PALS2: variants seen among roughly 807,000 people sequenced by gnomAD.
The protein encoded by PALS2 is protein PALS2.
A neutral mutation model predicts 61.6 loss-of-function variants in PALS2; 27 were observed. The observed-to-expected ratio is 0.44, with a 90% CI of 0.32 to 0.60. The LOEUF (loss-of-function observed/expected upper bound fraction) is 0.60. Among genes scored for constraint, PALS2 ranks in the 20% least tolerant of loss-of-function variants. The pLI is 0.05. For missense variants in PALS2, 554 were observed against 639.4 expected, an observed-to-expected ratio of 0.87 and a Z score of 1.44; for synonymous variants, 236 against 218.6, an observed-to-expected ratio of 1.08 and a Z score of -0.70.
intron 1 of PALS2, among the ~76,000 whole-genome samples, chr7:24,603,052 C>T (rs1412210970): frequency 1.3e-5 from 2 of 152,186 alleles, no homozygotes; most frequent in African/African-American, 4.8e-5. Flanking sequence ...ATTACCCAGT[C>T]TTGGGTCATA....
chr7:24,654,488 C>T (rs986810565), intron 5 of PALS2, among the ~76,000 whole-genome samples: 20 of 152,072 alleles, frequency 1.3e-4, no homozygotes, highest in African/African-American at 4.6e-4. Context: ...CAGCAAACGT[C>T]TAGAAATGTA....
At chr7:24,662,762 C>A in intron 5 of PALS2, among the ~76,000 whole-genome samples, 1 of 113,188 alleles carries the variant, frequency 8.8e-6, no homozygotes. Flanking sequence ...GAGTGAGACT[C>A]CATCTGAAAA....
At chr7:24,640,299 T>A (rs1212101291) in intron 2 of PALS2, among the ~76,000 whole-genome samples, 3 of 152,156 alleles carry the variant, frequency 2.0e-5, no homozygotes, top group Admixed American at 2.0e-4. Flanking sequence ...TCTTTTCCAC[T>A]TAAGAACTTA....
chr7:24,652,106 C>G (rs1397568073), intron 5 of PALS2, among the ~76,000 whole-genome samples: 4 of 152,178 alleles, frequency 2.6e-5, no homozygotes, highest in Non-Finnish European at 5.9e-5. Flanking sequence ...TGGCAACTTT[C>G]AATTTGTGAC....
At chr7:24,614,572 C>A (rs1279056988) in intron 1 of PALS2, among the ~76,000 whole-genome samples, 1 of 151,796 alleles carries the variant, frequency 6.6e-6, no homozygotes, top group South Asian at 2.1e-4. Flanking sequence ...GCACACAACC[C>A]TGGAGCACCA....
intron 2 of PALS2, among the ~76,000 whole-genome samples, chr7:24,639,378 G>A (rs1052954201): frequency 1.3e-5 from 2 of 149,706 alleles, no homozygotes; most frequent in African/African-American, 5.0e-5. Flanking sequence ...TCCATAGTGT[G>A]AGTATAATAT....
rs74632427 is a variant in PALS2, at chr7:24,680,658, C to T, written c.1446+138C>T. On this transcript the variant is annotated intron_variant, in intron 11 of 11. Transcript: ENST00000222644. ...TCACCCAGGCTGGAGTGCATTGATG[C>T]GATCTCAGCTCGTTGCAACCTCCCC... The T allele has an allele frequency of 1.3e-3, 1,497 of 1,140,650 alleles. 35 individuals are homozygous for T. In the East Asian group the frequency reaches 0.04, roughly 30 times the overall value. 70.7% of individuals were successfully genotyped at this position (1,140,650 alleles called of 1,614,324 possible).
intron 1 of PALS2, among the ~76,000 whole-genome samples, chr7:24,614,819 A>G (rs76912026): frequency 0.039 from 5,925 of 152,074 alleles, 155 homozygotes; most frequent in Non-Finnish European, 0.058. Flanking sequence ...TTTCTAGGAA[A>G]AATAAAGGCA....
intron 3 of PALS2, among the ~76,000 whole-genome samples, chr7:24,644,703 C>T (rs1785740674): frequency 6.6e-6 from 1 of 151,812 alleles, no homozygotes; most frequent in Non-Finnish European, 1.5e-5. Flanking sequence ...CTGCTTTTAG[C>T]TCTTTGATGA....
chr7:24,676,972 G>A (rs1477965185), intron 9 of PALS2, among the ~76,000 whole-genome samples: 1 of 151,066 alleles, frequency 6.6e-6, no homozygotes, highest in Non-Finnish European at 1.5e-5. Context: ...TGGGCAGTAT[G>A]GCCATTTTCA....
At chr7:24,656,357 C>G (rs996396640) in intron 5 of PALS2, among the ~76,000 whole-genome samples, 29 of 152,154 alleles carry the variant, frequency 1.9e-4, no homozygotes, top group African/African-American at 6.5e-4. Context: ...AATATTTCCT[C>G]AATACTTTTA....
chr7:24,688,852 C>A lies in PALS2; in HGVS notation c.*1238C>A, dbSNP rs1016017144. The A allele has an allele frequency of 1.3e-5, 2 of 151,726 alleles. No individual in the cohort carries two copies. Among genetic ancestry groups the A allele is most frequent in the Non-Finnish European group, 2.9e-5 (2 of 67,940 alleles). 9.4% of individuals were successfully genotyped at this position (151,726 alleles called of 1,614,324 possible). On this transcript the variant is annotated 3_prime_UTR_variant, in exon 12 of 12. Transcript: ENST00000222644. ...GTTTTGAGATGGAGTCTCTCTCTGT[C>A]ACCCATGCTGGAGTACAGTGGCGCG...
At chr7:24,582,702 T>C (rs1782890979) in intron 1 of PALS2, among the ~76,000 whole-genome samples, 1 of 151,964 alleles carries the variant, frequency 6.6e-6, no homozygotes, top group Non-Finnish European at 1.5e-5. Context: ...TAAAAAATTA[T>C]TTGCTTTTTT....
At chr7:24,626,979 A>G (rs1416490783) in intron 2 of PALS2, among the ~76,000 whole-genome samples, 2 of 152,184 alleles carry the variant, frequency 1.3e-5, no homozygotes, top group Admixed American at 6.5e-5. Context: ...AAAATTAACA[A>G]GGATATTCAG....
intron 9 of PALS2, among the ~76,000 whole-genome samples, chr7:24,676,732 T>G (rs1259897598): frequency 1.3e-5 from 2 of 151,154 alleles, no homozygotes; most frequent in African/African-American, 4.9e-5. Flanking sequence ...TCCATTGATC[T>G]GTATCTCTGT....
chr7:24,603,575 A>C (rs1783790846), intron 1 of PALS2, among the ~76,000 whole-genome samples: 1 of 152,208 alleles, frequency 6.6e-6, no homozygotes, highest in African/African-American at 2.4e-5. Flanking sequence ...TTCCCAGTCC[A>C]TCACAGCTCA....
rs1788378465 is a variant in PALS2, at chr7:24,689,627, A to C, written c.*2013A>C. The C allele has an allele frequency of 6.6e-6, 1 of 151,298 alleles. No homozygotes were observed. The highest frequency in any genetic ancestry group is 1.5e-5 in the Non-Finnish European group (1 of 67,918). 9.4% of individuals were successfully genotyped at this position (151,298 alleles called of 1,614,324 possible). A position where few individuals can be genotyped will look rare whatever the true frequency, so the allele number is the denominator to read the frequency against. On this transcript the variant is annotated 3_prime_UTR_variant, in exon 12 of 12. Coordinates refer to ENST00000222644, the MANE Select transcript of PALS2 (RefSeq NM_001303037.2). The stretch of plus-strand genomic sequence containing the variant: ...TTTGATTCTAGATTTCATGGCCAGA[A>C]CACAAATTCACGTTTCTTGTCCTAG...
At chr7:24,678,795 T>TG (rs34429898) in intron 9 of PALS2, among the ~76,000 whole-genome samples, 2 of 152,182 alleles carry the variant, frequency 1.3e-5, no homozygotes, top group African/African-American at 4.8e-5. Flanking sequence ...AAATTTTATT[T>TG]GGGGGACTAC....
At chr7:24,585,116 T>A (rs1412340246) in intron 1 of PALS2, among the ~76,000 whole-genome samples, 1 of 152,232 alleles carries the variant, frequency 6.6e-6, no homozygotes, top group African/African-American at 2.4e-5. Context: ...AGCTTTGTTC[T>A]TTTGGCTTAG....
Sources: gnomAD v4.1 joint callset for allele counts (sites outside exome capture counted in the v4.1 genomes callset) on GRCh38, gnomAD v4.1.1 for gene constraint, MANE v1.5 for transcripts, NCBI Gene and HGNC (gene_info 2026-07-23, HGNC 2026-07-21) for gene names.